TUBA1C: variants seen among roughly 807,000 people sequenced by gnomAD.
TUBA1C encodes tubulin alpha 1c, also known as tubulin alpha-1C chain.
In TUBA1C, 16 loss-of-function variants were observed where a neutral mutation model predicts 34.9. The observed-to-expected ratio is 0.46, with a 90% CI of 0.31 to 0.70. The LOEUF (loss-of-function observed/expected upper bound fraction) is 0.70. TUBA1C is among the 30% of genes least tolerant of loss of function. The probability of loss-of-function intolerance (pLI) is 0.05; values close to 1 mark genes in which losing one functional copy is unlikely to be tolerated. For synonymous variants in TUBA1C, 177 were observed against 215.9 expected, an observed-to-expected ratio of 0.82 and a Z score of 1.58; for missense variants, 329 against 587.3, an observed-to-expected ratio of 0.56 and a Z score of 4.55.
At chr12:49,269,420 A>G (rs779358250) in intron 1 of TUBA1C, 45 bp from the exon 2 acceptor site, 26 of 1,612,446 alleles carry the variant, frequency 1.6e-5, no homozygotes, top group South Asian at 2.2e-5. Context: ...TAAATGTCCC[A>G]TCTGATGTAT....
intron 1 of TUBA1C, among the ~76,000 whole-genome samples, chr12:49,241,627 T>G (rs1236223743): frequency 1.0e-5 from 1 of 100,354 alleles, no homozygotes; most frequent in Non-Finnish European, 1.9e-5. Context: ...CCTCCCTCCC[T>G]GCCTTCCTTC....
rs1049420925 is a variant in TUBA1C, at chr12:49,269,628, C to T, written c.167C>T (p.Thr56Met). Reference protein sequence around the residue: ...DDSFNTFFSETGAGKHVPRAV... With the variant: ...DDSFNTFFSEMGAGKHVPRAV... ...TCCTTCAACACCTTCTTCAGTGAAA[C>T]GGGTGCTGGCAAGCATGTGCCCCGG... The change falls in exon 2 of 4, where the codon ACG (threonine) becomes ATG (methionine). Residue 56 changes from threonine (T) to methionine (M), a missense_variant. Thr to Met is a moderately conservative substitution (Grantham distance 81). This residue lies in a region of TUBA1C where 152 missense variants were observed against 240.3 expected (regional missense o/e 0.63). Coordinates refer to ENST00000301072, the MANE Select transcript of TUBA1C (RefSeq NM_032704.5). 8 of 1,614,092 alleles carry T rather than the reference C, an allele frequency of 5.0e-6. No individual in the cohort carries two copies. The highest frequency in any genetic ancestry group is 2.7e-5 in the African/African-American group (2 of 74,924).
Position 49,267,985 on chromosome 12 carries a change from A to G in TUBA1C, c.4-1480A>G, listed in dbSNP as rs1245438858. Among the ~76,000 whole-genome samples the G allele has an allele frequency of 2.6e-5, 4 of 152,006 alleles. No individual in the cohort carries two copies. In the East Asian group the frequency reaches 7.7e-4, roughly 29 times the overall value. The stretch of plus-strand genomic sequence containing the variant: ...GTACAGATTCTATGTTTATTCCCTT[A>G]TTTTACTTAGCAGGTGTGGGTTTGG... On this transcript the variant is annotated intron_variant, in intron 1 of 3. Transcript: ENST00000301072.
At chr12:49,243,411 A>C (rs1257013449) in intron 1 of TUBA1C, among the ~76,000 whole-genome samples, 1 of 152,100 alleles carries the variant, frequency 6.6e-6, no homozygotes, top group East Asian at 1.9e-4. Context: ...ACTGCCCTAC[A>C]GCCTGGGTGA....
intron 1 of TUBA1C, among the ~76,000 whole-genome samples, chr12:49,243,935 C>T (rs1187094896): frequency 1.3e-5 from 2 of 152,010 alleles, no homozygotes; most frequent in Admixed American, 1.3e-4. Flanking sequence ...GGATCTCTTG[C>T]TGTCAGGATG....
upstream of TUBA1C, among the ~76,000 whole-genome samples, chr12:49,263,607 C>A (rs1352639531): frequency 6.6e-6 from 1 of 152,154 alleles, no homozygotes; most frequent in African/African-American, 2.4e-5. Context: ...GACTTACAGG[C>A]ATGAGCCACC....
At chr12:49,270,404 G>T (rs1452680438) in intron 3 of TUBA1C, among the ~76,000 whole-genome samples, 1 of 152,166 alleles carries the variant, frequency 6.6e-6, no homozygotes, top group African/African-American at 2.4e-5. Flanking sequence ...AAGTGGAGTC[G>T]GGAGCTTCCT....
chr12:49,269,882 C>T lies in TUBA1C; in HGVS notation c.281C>T (p.Thr94Ile), dbSNP rs745978644. ...CTCTTCCACCCTGAGCAACTCATCA[C>T]AGGCAAGGAAGATGCTGCCAATAAC... ...RQLFHPEQLI[T>I]GKEDAANNYA... The change falls in exon 3 of 4, where the codon ACA becomes ATA. Residue 94 changes from threonine to isoleucine, a missense_variant. By Grantham distance (89) the Thr-to-Ile change is moderately conservative. Coordinates refer to ENST00000301072, the MANE Select transcript of TUBA1C (RefSeq NM_032704.5). 1.2e-6 allele frequency: 2 copies of T among 1,614,194 alleles called. No individual in the cohort carries two copies. Among genetic ancestry groups the T allele is most frequent in the Non-Finnish European group, 1.7e-6 (2 of 1,180,042 alleles).
intron 1 of TUBA1C, among the ~76,000 whole-genome samples, chr12:49,235,837 A>G (rs756656469): frequency 1.2e-4 from 19 of 152,186 alleles, no homozygotes; most frequent in Non-Finnish European, 2.6e-4. Context: ...TCGGGCCTCA[A>G]TGAGTCGTCA....
chr12:49,255,054 G>A (rs1331459926), intron 1 of TUBA1C, among the ~76,000 whole-genome samples: 1 of 151,840 alleles, frequency 6.6e-6, no homozygotes, highest in Non-Finnish European at 1.5e-5. Context: ...CAAATTGCTG[G>A]GATTACAGGC....
intron 1 of TUBA1C, among the ~76,000 whole-genome samples, chr12:49,247,193 G>A (rs2136998965): frequency 6.6e-6 from 1 of 151,682 alleles, no homozygotes; most frequent in Non-Finnish European, 1.5e-5. Flanking sequence ...AAACTAAGCA[G>A]AGAGATCAGC....
chr12:49,243,220 C>T (rs944494626), intron 1 of TUBA1C, among the ~76,000 whole-genome samples: 12 of 152,124 alleles, frequency 7.9e-5, no homozygotes, highest in East Asian at 5.8e-4. Context: ...ACAAGGTGGG[C>T]GGATCACCTG....
Position 49,273,200 on chromosome 12 carries a change from C to G in TUBA1C, c.1323C>G (p.Asp441Glu), listed in dbSNP as rs746160783. Residue 441 changes from aspartate (D) to glutamate (E), a missense_variant, in exon 4 of 4, where the codon GAC becomes GAG. Coordinates refer to ENST00000301072, the MANE Select transcript of TUBA1C (RefSeq NM_032704.5). The stretch of plus-strand genomic sequence containing the variant: ...AGGAGGTTGGAGCAGATAGTGCTGA[C>G]GGAGAGGATGAGGGTGAAGAGTATT... ...DYEEVGADSA[D>E]GEDEGEEY 6.2e-7 allele frequency: 1 copy of G among 1,614,180 alleles called. No homozygotes were observed. The highest frequency in any genetic ancestry group is 8.5e-7 in the Non-Finnish European group (1 of 1,180,038).
intron 1 of TUBA1C, among the ~76,000 whole-genome samples, chr12:49,243,285 A>G (rs1398835060): frequency 2.0e-5 from 3 of 152,108 alleles, no homozygotes; most frequent in African/African-American, 7.2e-5. Context: ...CATCTCTACT[A>G]AAAATACAAA....
chr12:49,235,078 A>C (rs1482782687), intron 1 of TUBA1C, among the ~76,000 whole-genome samples: 2 of 150,726 alleles, frequency 1.3e-5, no homozygotes, highest in Non-Finnish European at 2.9e-5. Flanking sequence ...GGCCTCCCAA[A>C]GTGCTGGGAT....
rs563302213 is a variant in TUBA1C at position 49,270,871 on chromosome 12, A to C, written c.375+895A>C. Among the ~76,000 whole-genome samples, 92 of 152,160 alleles carry C rather than the reference A, an allele frequency of 6.0e-4. 1 individual carries two copies. In the South Asian group the frequency reaches 7.9e-3, roughly 13 times the overall value. On this transcript the variant is annotated intron_variant, in intron 3 of 3. Transcript: ENST00000301072. ...GTGGGCGCCTGTAGTCCTAGCTACT[A>C]GGGAGGCTGAGGCAGGAGAATGGCG...
chr12:49,231,570 T>C (rs1223607189), intron 1 of TUBA1C, among the ~76,000 whole-genome samples: 5 of 152,194 alleles, frequency 3.3e-5, no homozygotes, highest in African/African-American at 1.2e-4. Flanking sequence ...CTCAAAGTGC[T>C]TACAACTTTT....
At chr12:49,256,621 T>G (rs1471202088) in intron 1 of TUBA1C, 1 of 250,508 alleles carries the variant, frequency 4.0e-6, no homozygotes, top group Non-Finnish European at 8.4e-6. Context: ...AAAGGGCTTA[T>G]ATTCCTGACT....
intron 1 of TUBA1C, among the ~76,000 whole-genome samples, chr12:49,240,669 C>G (rs1330249363): frequency 1.3e-5 from 2 of 152,174 alleles, no homozygotes; most frequent in African/African-American, 4.8e-5. Flanking sequence ...CTCAGTGCAA[C>G]TTCGACCTCC....
Sources: allele counts gnomAD v4.1 joint callset (sites outside exome capture counted in the v4.1 genomes callset), GRCh38; gene constraint gnomAD v4.1.1; regional missense constraint gnomAD v4.1.1; transcripts MANE v1.5; gene names NCBI Gene and HGNC (gene_info 2026-07-23, HGNC 2026-07-21).